Variants in CLK4 observed in about 807,000 individuals in gnomAD.
CLK4 encodes the protein dual specificity protein kinase CLK4.
CLK4 carries 37 observed loss-of-function variants against 64.4 expected under a neutral mutation model. The observed-to-expected ratio is 0.57, with a 90% CI of 0.44 to 0.76. The LOEUF is 0.76. CLK4 is among the 30% of genes least tolerant of loss of function. The pLI is 0.00. For synonymous variants in CLK4, 175 were observed against 191.6 expected (o/e 0.91, Z 0.72); for missense variants, 457 against 605.1 (o/e 0.76, Z 2.57).
At chr5:178,625,391 T>C (rs967051062) in intron 1 of CLK4, among the ~76,000 whole-genome samples, 2 of 139,934 alleles carry the variant, frequency 1.4e-5, no homozygotes, top group Non-Finnish European at 3.0e-5. Context: ...CGCCATTGCA[T>C]ACCAGTATGG....
At chr5:178,626,036 A>T (rs1764775062) in intron 1 of CLK4, among the ~76,000 whole-genome samples, 1 of 152,188 alleles carries the variant, frequency 6.6e-6, no homozygotes, top group Non-Finnish European at 1.5e-5. Context: ...ATGTAGATCC[A>T]TCGCCACTGC....
rs1367047843 is a variant in CLK4, at chr5:178,618,579, A to T, written c.361T>A (p.Cys121Ser). The T allele has an allele frequency of 6.2e-7, 1 of 1,613,818 alleles. No individual in the cohort carries two copies. Among genetic ancestry groups the T allele is most frequent in the East Asian group, 2.2e-5 (1 of 44,878 alleles). Residue 121 changes from cysteine to serine, a missense_variant, in exon 3 of 13, where the codon TGT becomes AGT. Coordinates refer to ENST00000316308, the MANE Select transcript of CLK4 (RefSeq NM_020666.3). ...ACCGAACGTGACTGATGACTTGAACAGTGTCTATTGCGCTTCCTTTTAGGA... is the reference window on the plus strand; with the variant it reads ...ACCGAACGTGACTGATGACTTGAACTGTGTCTATTGCGCTTCCTTTTAGGA... ...SSPKRKRNRH[C>S]SSHQSRSKSH...
intron 1 of CLK4, among the ~76,000 whole-genome samples, chr5:178,624,486 C>T (rs1008600147): frequency 1.3e-5 from 2 of 152,212 alleles, no homozygotes; most frequent in African/African-American, 4.8e-5. Context: ...TGAAAGCAAA[C>T]GATAACGGTG....
chr5:178,605,806 A>G (rs1289291069), intron 10 of CLK4: 1 of 152,594 alleles, frequency 6.6e-6, no homozygotes, highest in African/African-American at 2.4e-5. Flanking sequence ...AGTAGAATAC[A>G]GAAAACGGTC....
At chr5:178,616,176 G>A (rs1280327637) in intron 5 of CLK4, among the ~76,000 whole-genome samples, 1 of 151,890 alleles carries the variant, frequency 6.6e-6, no homozygotes, top group Non-Finnish European at 1.5e-5. Context: ...CGCAACCTCC[G>A]CCTTCCTCCC....
intron 5 of CLK4, 147 bp from the exon 6 acceptor site, chr5:178,613,990 A>G: frequency 1.7e-6 from 1 of 584,496 alleles, no homozygotes; most frequent in Non-Finnish European, 3.0e-6. Context: ...TCCATATAAC[A>G]TCTTCTTAAA....
At chr5:178,612,940 G>T in intron 7 of CLK4, 50 bp from the exon 8 acceptor site, 1 of 927,526 alleles carries the variant, frequency 1.1e-6, no homozygotes, top group Non-Finnish European at 1.7e-6. Flanking sequence ...AACTTAATTT[G>T]TACTAGGAGG....
chr5:178,609,988 C>T (rs1764533904), intron 9 of CLK4, among the ~76,000 whole-genome samples: 1 of 151,790 alleles, frequency 6.6e-6, no homozygotes, highest in African/African-American at 2.4e-5. Context: ...GAGCTTGGAC[C>T]TCATAAAAGT....
At position 178,617,691 on chromosome 5, in the gene CLK4, A is replaced by C; in HGVS notation, c.385-257T>G. On this transcript the variant is annotated intron_variant, in intron 3 of 12. Transcript: ENST00000316308. The surrounding 1 kb of genome is among the most constrained non-coding windows in gnomAD (Gnocchi z 5.2). ...CTTAAAGTGGCAATAGAAAAAAACA[A>C]CACAATTGTCTCTTTAAAATACTGA... 3.5e-6 allele frequency: 1 copy of C among 286,196 alleles called. No homozygotes were observed. The highest frequency in any genetic ancestry group is 6.5e-6 in the Non-Finnish European group (1 of 154,690). 17.7% of individuals were successfully genotyped at this position (286,196 alleles called of 1,614,324 possible). A position where few individuals can be genotyped will look rare whatever the true frequency, so the allele number is the denominator to read the frequency against.
At chr5:178,609,683 CA>C (rs1051894558) in intron 9 of CLK4, among the ~76,000 whole-genome samples, 1 of 144,004 alleles carries the variant, frequency 6.9e-6, no homozygotes, top group Non-Finnish European at 1.5e-5. Flanking sequence ...AACTCCATCT[CA>C]AAAAAATAAA....
At chr5:178,626,850 G>A (rs1764789882) in intron 1 of CLK4, 96 bp downstream of exon 1, 1 of 152,722 alleles carries the variant, frequency 6.5e-6, no homozygotes, top group Admixed American at 6.5e-5. Flanking sequence ...AGCTCCAGAA[G>A]CCCAGGCCCC....
chr5:178,619,636 G>A (rs184640979), intron 2 of CLK4: 47 of 341,638 alleles, frequency 1.4e-4, no homozygotes, highest in African/African-American at 8.7e-4. Context: ...TAGTGCCATC[G>A]TGCTTTAATC....
chr5:178,610,774 A>G (rs1329310299), intron 9 of CLK4, among the ~76,000 whole-genome samples: 1 of 148,914 alleles, frequency 6.7e-6, no homozygotes, highest in Non-Finnish European at 1.5e-5. Flanking sequence ...ATAAAAATTA[A>G]AAAAAAAAAA....
intron 2 of CLK4, chr5:178,619,813 C>T (rs1229583822): frequency 3.1e-6 from 4 of 1,289,142 alleles, no homozygotes; most frequent in Non-Finnish European, 4.0e-6. Context: ...ATTCAATTGG[C>T]CCAGTTTCCC....
intron 9 of CLK4, among the ~76,000 whole-genome samples, chr5:178,609,187 C>A (rs1346064249): frequency 6.6e-6 from 1 of 152,142 alleles, no homozygotes; most frequent in Non-Finnish European, 1.5e-5. Flanking sequence ...GAACCAACCA[C>A]ATAGATATTT....
rs192025677 is a variant in CLK4, at chr5:178,603,154, T to G, written c.*463A>C. The stretch of plus-strand genomic sequence containing the variant: ...AGTAAACATTTTCTGAGTTTTGGTT[T>G]CTAGTACCTGCTTATCTAGAGTTAA... On this transcript the variant is annotated 3_prime_UTR_variant, in exon 13 of 13. Coordinates refer to ENST00000316308, the MANE Select transcript of CLK4 (RefSeq NM_020666.3). 1 of 152,816 alleles carries G rather than the reference T, an allele frequency of 6.5e-6. No individual in the cohort carries two copies. Among genetic ancestry groups the G allele is most frequent in the Non-Finnish European group, 1.5e-5 (1 of 68,058 alleles). 9.5% of individuals were successfully genotyped at this position (152,816 alleles called of 1,614,324 possible).
intron 12 of CLK4, 37 bp from the exon 13 acceptor site, chr5:178,603,794 TA>T: frequency 6.3e-7 from 1 of 1,580,172 alleles, no homozygotes; most frequent in Admixed American, 2.0e-5. Context: ...AAAAAATTAT[TA>T]ATAGTGCAAA....
intron 2 of CLK4, chr5:178,619,987 C>A (rs777674784): frequency 3.0e-5 from 13 of 429,070 alleles, no homozygotes; most frequent in Non-Finnish European, 5.8e-5. Context: ...ACTAGATTGC[C>A]CTCACCAACC....
chr5:178,614,237 G>A (rs1764596355), intron 5 of CLK4, among the ~76,000 whole-genome samples: 1 of 152,222 alleles, frequency 6.6e-6, no homozygotes, highest in African/African-American at 2.4e-5. Context: ...AAGACGGGGT[G>A]TGTCCCTACG....
Sources: gnomAD v4.1 joint callset for allele counts (sites outside exome capture counted in the v4.1 genomes callset) on GRCh38, gnomAD v4.1.1 for gene constraint, Gnocchi (gnomAD v3.1) non-coding constraint, MANE v1.5 for transcripts, NCBI Gene and HGNC (gene_info 2026-07-23, HGNC 2026-07-21) for gene names.